FSIP1: variants seen among roughly 807,000 people sequenced by gnomAD.
The protein encoded by FSIP1 is fibrous sheath interacting protein 1.
A neutral mutation model predicts 60.9 loss-of-function variants in FSIP1; 65 were observed. That is an observed-to-expected ratio of 1.07 (90% CI 0.87 to 1.31). FSIP1 has a LOEUF of 1.31. Ranked by LOEUF, FSIP1 falls within the 40% of genes most tolerant of loss-of-function variation. The pLI is 0.00. For synonymous variants in FSIP1, 209 were observed against 221.2 expected, an observed-to-expected ratio of 0.94 and a Z score of 0.49; for missense variants, 675 against 665.5, an observed-to-expected ratio of 1.01 and a Z score of -0.16.
intron 8 of FSIP1, among the ~76,000 whole-genome samples, chr15:39,732,073 A>G (rs1011205977): frequency 2.6e-5 from 4 of 152,158 alleles, no homozygotes; most frequent in Admixed American, 6.5e-5. Flanking sequence ...TCCACCTCAG[A>G]CCATCAGGCA....
At chr15:39,604,065 G>A (rs138964660) in intron 11 of FSIP1, among the ~76,000 whole-genome samples, 2 of 152,312 alleles carry the variant, frequency 1.3e-5, no homozygotes, top group Admixed American at 1.3e-4. Flanking sequence ...CCAAGTAGCT[G>A]GGATTATAGG....
At chr15:39,688,384 G>A (rs931582407) in intron 10 of FSIP1, among the ~76,000 whole-genome samples, 2 of 152,094 alleles carry the variant, frequency 1.3e-5, no homozygotes, top group Non-Finnish European at 2.9e-5. Context: ...GCCTACAGTT[G>A]GGAAAAGTCA....
At chr15:39,722,973 G>C (rs1320242611) in intron 9 of FSIP1, among the ~76,000 whole-genome samples, 2 of 151,688 alleles carry the variant, frequency 1.3e-5, no homozygotes, top group African/African-American at 4.8e-5. Flanking sequence ...TGCCTGTGCT[G>C]TCTTGTCCAC....
At chr15:39,772,654 G>A (rs1327486233) in intron 2 of FSIP1, among the ~76,000 whole-genome samples, 11 of 150,972 alleles carry the variant, frequency 7.3e-5, no homozygotes, top group Non-Finnish European at 1.3e-4. Flanking sequence ...GCAGTGGTGC[G>A]ATATCGGCTC....
intron 11 of FSIP1, among the ~76,000 whole-genome samples, chr15:39,601,784 G>A (rs986110199): frequency 2.6e-5 from 4 of 152,192 alleles, no homozygotes; most frequent in Admixed American, 2.0e-4. Flanking sequence ...AATGTAAGAA[G>A]CCAGTCACAA....
chr15:39,692,294 A>C lies in FSIP1; in HGVS notation c.1188+21150T>G, dbSNP rs151144496. 3.0e-3 allele frequency among the ~76,000 whole-genome samples: 450 copies of C among 152,334 alleles called. 2 individuals are homozygous for C. The highest frequency in any genetic ancestry group is 4.1e-3 in the Non-Finnish European group (282 of 68,020). Reference sequence around the variant, plus strand: ...ACTTAAATACCAAACAGAATAGCTTATGTGTGAAATGCTTTGCAACTATAA... The same window carrying C: ...ACTTAAATACCAAACAGAATAGCTTCTGTGTGAAATGCTTTGCAACTATAA... On this transcript the variant is annotated intron_variant, in intron 10 of 11. Transcript: ENST00000350221.
At chr15:39,665,115 C>T (rs192944424) in intron 10 of FSIP1, among the ~76,000 whole-genome samples, 19 of 152,268 alleles carry the variant, frequency 1.2e-4, no homozygotes, top group African/African-American at 4.3e-4. Flanking sequence ...TTAGCATGAC[C>T]CCAGCTGCAT....
At chr15:39,725,167 C>G (rs1489288049) in intron 9 of FSIP1, among the ~76,000 whole-genome samples, 1 of 152,116 alleles carries the variant, frequency 6.6e-6, no homozygotes, top group Non-Finnish European at 1.5e-5. Context: ...GGAGGCGGAG[C>G]TTGCAGTGAG....
intron 10 of FSIP1, among the ~76,000 whole-genome samples, chr15:39,624,175 G>A (rs1891548096): frequency 6.6e-6 from 1 of 152,110 alleles, no homozygotes; most frequent in African/African-American, 2.4e-5. Context: ...TGGGTAAGGT[G>A]ATTTCCCAAA....
intron 10 of FSIP1, among the ~76,000 whole-genome samples, chr15:39,651,788 T>C (rs555197242): frequency 9.8e-5 from 15 of 152,376 alleles, no homozygotes; most frequent in African/African-American, 3.4e-4. Flanking sequence ...AGTCAACCTA[T>C]ACAAATTGTT....
chr15:39,697,191 T>C (rs191595609), intron 10 of FSIP1, among the ~76,000 whole-genome samples: 280 of 152,298 alleles, frequency 1.8e-3, no homozygotes, highest in Middle Eastern at 6.8e-3. Flanking sequence ...TCAGTGATTA[T>C]TTCTAGTTGG....
chr15:39,746,838 G>A lies in FSIP1; in HGVS notation c.560-4938C>T, dbSNP rs553531673. ...TTATAAAAATAAAGGGGGAAGAAGG[G>A]GGAACTGAGTGAAATAAGGAGAGAT... is the stretch of plus-strand genomic sequence containing the variant. On this transcript the variant is annotated intron_variant, in intron 5 of 11. Coordinates refer to ENST00000350221, the MANE Select transcript of FSIP1 (RefSeq NM_152597.5). Among the ~76,000 whole-genome samples the A allele has an allele frequency of 2.6e-5, 4 of 151,772 alleles. No homozygotes were observed. The East Asian group carries it at 7.7e-4, about 29-fold the overall frequency.
intron 10 of FSIP1, among the ~76,000 whole-genome samples, chr15:39,626,883 C>T (rs1221642440): frequency 6.6e-6 from 1 of 152,128 alleles, no homozygotes; most frequent in Non-Finnish European, 1.5e-5. Flanking sequence ...GAGACATGAG[C>T]CCTTAATACT....
At chr15:39,645,119 C>A (rs903984998) in intron 10 of FSIP1, among the ~76,000 whole-genome samples, 1 of 152,116 alleles carries the variant, frequency 6.6e-6, no homozygotes, top group Non-Finnish European at 1.5e-5. Context: ...TAACTGTTAT[C>A]AAAAAGACGA....
intron 9 of FSIP1, among the ~76,000 whole-genome samples, chr15:39,715,576 T>C (rs1326880615): frequency 6.6e-6 from 1 of 152,198 alleles, no homozygotes; most frequent in East Asian, 1.9e-4. Context: ...TAAGAGTGCG[T>C]CAATTTCAAG....
chr15:39,767,687 C>T (rs570050256), intron 3 of FSIP1, among the ~76,000 whole-genome samples: 2 of 152,302 alleles, frequency 1.3e-5, no homozygotes, highest in East Asian at 3.9e-4. Flanking sequence ...ACTGGCAAAC[C>T]AGTGACTACG....
intron 10 of FSIP1, among the ~76,000 whole-genome samples, chr15:39,672,056 C>T (rs2140470720): frequency 6.6e-6 from 1 of 152,294 alleles, no homozygotes; most frequent in Middle Eastern, 3.4e-3. Flanking sequence ...GGGGGAATAG[C>T]ATTTGCATAA....
chr15:39,681,879 AGCACAACTGATTTTG>A (rs1894175918), intron 10 of FSIP1, among the ~76,000 whole-genome samples: 1 of 152,188 alleles, frequency 6.6e-6, no homozygotes, highest in South Asian at 2.1e-4. Flanking sequence ...TTCAGAAGGA[AGCACAACTGATTTTG>A]GCACCAGGAC....
intron 10 of FSIP1, among the ~76,000 whole-genome samples, chr15:39,645,836 C>T (rs1892577609): frequency 6.6e-6 from 1 of 152,170 alleles, no homozygotes. Flanking sequence ...GGGTTGGGGC[C>T]GAGCCCCAGG....
Sources: gnomAD v4.1 joint callset for allele counts (sites outside exome capture counted in the v4.1 genomes callset) on GRCh38, gnomAD v4.1.1 for gene constraint, MANE v1.5 for transcripts, NCBI Gene and HGNC (gene_info 2026-07-23, HGNC 2026-07-21) for gene names.